Variants in PDHX observed in about 807,000 individuals in gnomAD.
PDHX encodes pyruvate dehydrogenase protein X component, mitochondrial.
PDHX carries 33 observed loss-of-function variants against 55.3 expected under a neutral mutation model. The ratio of observed to expected loss-of-function variants is 0.60; its 90% CI spans 0.45 to 0.80. The LOEUF (loss-of-function observed/expected upper bound fraction) is 0.80. PDHX is among the 30% of genes least tolerant of loss of function. The pLI is 0.00. For synonymous variants in PDHX, 226 were observed against 219.4 expected, an observed-to-expected ratio of 1.03 and a Z score of -0.27; for missense variants, 622 against 619.9, an observed-to-expected ratio of 1.00 and a Z score of -0.04.
chr11:34,974,938 A>G (rs1247639814), intron 7 of PDHX, among the ~76,000 whole-genome samples: 1 of 152,026 alleles, frequency 6.6e-6, no homozygotes, highest in Non-Finnish European at 1.5e-5. Flanking sequence ...CAAAGGTTGA[A>G]ATTTCTCCAC....
chr11:34,926,956 G>A (rs966327152), intron 1 of PDHX, among the ~76,000 whole-genome samples: 1 of 152,002 alleles, frequency 6.6e-6, no homozygotes, highest in Non-Finnish European at 1.5e-5. Flanking sequence ...AGAAATGGCA[G>A]GGAAAACAGC....
chr11:34,954,374 G>C (rs756419758), intron 3 of PDHX, among the ~76,000 whole-genome samples: 4 of 152,214 alleles, frequency 2.6e-5, no homozygotes, highest in Non-Finnish European at 4.4e-5. Flanking sequence ...TGTGTACACA[G>C]ATGAGATTAG....
chr11:34,982,946 C>T (rs920491722), intron 8 of PDHX, among the ~76,000 whole-genome samples: 3 of 152,070 alleles, frequency 2.0e-5, no homozygotes, highest in African/African-American at 7.2e-5. Context: ...ATCCTGATAC[C>T]AAAGCCGGGC....
intron 6 of PDHX, among the ~76,000 whole-genome samples, chr11:34,967,311 C>T (rs1465429106): frequency 1.3e-5 from 2 of 152,114 alleles, no homozygotes; most frequent in Non-Finnish European, 2.9e-5. Context: ...TACAGATTTC[C>T]TATCAGAAAC....
chr11:34,935,863 TC>T (rs1315367006), intron 2 of PDHX, among the ~76,000 whole-genome samples: 1 of 152,182 alleles, frequency 6.6e-6, no homozygotes, highest in Non-Finnish European at 1.5e-5. Context: ...GGCAAGGACT[TC>T]CAGGGTATCC....
chr11:34,966,811 A>G lies in PDHX; in HGVS notation c.813A>G (p.Ala271=), dbSNP rs1855145264. The G allele has an allele frequency of 1.9e-6, 3 of 1,612,180 alleles. No homozygotes were observed. In the Middle Eastern group the frequency reaches 5.0e-4, roughly 266 times the overall value. ...PPVSTPGQPN[A]VGTFTEIPAS... is the part of the protein sequence containing the mutation. ...TATCAACTCCTGGACAACCCAATGC[A>G]GTGGTAGTGTTCTCTAAGTGGATTT... is the stretch of plus-strand genomic sequence containing the variant. Residue 271 remains alanine (A), a synonymous_variant, in exon 6 of 11, where the codon GCA becomes GCG. Coordinates refer to ENST00000227868, the MANE Select transcript of PDHX (RefSeq NM_003477.3).
Position 34,957,473 on chromosome 11 carries a change from C to G in PDHX, c.432C>G (p.Pro144=). The change falls in exon 4 of 11, where the codon CCC becomes CCG. Residue 144 remains proline (P), a synonymous_variant. Transcript: ENST00000227868. ...EGEDWKHVEI[P]KDVGPPPPVS... ...AAGATTGGAAACATGTTGAAATTCCCAAAGACGTAGGTCCTCCACCACCAG... is the reference window on the plus strand; with the variant it reads ...AAGATTGGAAACATGTTGAAATTCCGAAAGACGTAGGTCCTCCACCACCAG... 1.2e-6 allele frequency: 2 copies of G among 1,613,778 alleles called. No individual in the cohort carries two copies. The highest frequency in any genetic ancestry group is 8.5e-7 in the Non-Finnish European group (1 of 1,179,746).
At chr11:34,959,977 T>C (rs1854989318) in intron 4 of PDHX, among the ~76,000 whole-genome samples, 1 of 152,226 alleles carries the variant, frequency 6.6e-6, no homozygotes, top group African/African-American at 2.4e-5. Context: ...ATGGTGGTGA[T>C]GGTTGCACAA....
intron 9 of PDHX, among the ~76,000 whole-genome samples, chr11:34,987,903 C>T (rs1855684269): frequency 6.6e-6 from 1 of 152,138 alleles, no homozygotes; most frequent in Non-Finnish European, 1.5e-5. Context: ...AATGCATTTT[C>T]TGTCCTGTGC....
intron 6 of PDHX, 119 bp from the exon 7 acceptor site, chr11:34,970,020 T>C: frequency 1.2e-6 from 1 of 832,852 alleles, no homozygotes. Flanking sequence ...GTGTTAATCT[T>C]TAATTAATAA....
At chr11:34,979,188 G>A (rs190958885) in intron 8 of PDHX, among the ~76,000 whole-genome samples, 1 of 152,318 alleles carries the variant, frequency 6.6e-6, no homozygotes, top group African/African-American at 2.4e-5. Context: ...AGTTTTCCAT[G>A]TACTAAGATT....
chr11:34,951,049 CTTTTTTTTTTTTT>C (rs1179399887), intron 3 of PDHX, among the ~76,000 whole-genome samples: 2 of 88,598 alleles, frequency 2.3e-5, no homozygotes, highest in Admixed American at 2.8e-4. Context: ...TGTTTCCTGA[CTTTTTTTTTTTTT>C]TTTTTTTTTT....
intron 1 of PDHX, among the ~76,000 whole-genome samples, chr11:34,929,189 GTTCTC>G (rs777942834): frequency 2.0e-5 from 3 of 152,140 alleles, no homozygotes; most frequent in Non-Finnish European, 4.4e-5. Context: ...GAGATAACCT[GTTCTC>G]TTATGCATTT....
chr11:34,921,548 A>T (rs1043401999), intron 1 of PDHX, among the ~76,000 whole-genome samples: 1 of 152,226 alleles, frequency 6.6e-6, no homozygotes, highest in African/African-American at 2.4e-5. Context: ...AGAATCAATG[A>T]TTGACATTTC....
In PDHX at chr11:34,932,193, C is replaced by T. The variant is rs949678224; in HGVS notation, c.241+709C>T. Among the ~76,000 whole-genome samples, 10 of 152,128 alleles carry T rather than the reference C, an allele frequency of 6.6e-5. No individual in the cohort carries two copies. The South Asian group carries it at 1.7e-3, about 25-fold the overall frequency. The stretch of plus-strand genomic sequence containing the variant: ...AATGAAACTATGCAAGTCTTGAATT[C>T]CTCTGAACCCGGAAGTGGAATAAAC... On this transcript the variant is annotated intron_variant, in intron 2 of 10. Transcript: ENST00000227868.
At chr11:34,980,754 G>A (rs570215566) in intron 8 of PDHX, among the ~76,000 whole-genome samples, 46 of 152,182 alleles carry the variant, frequency 3.0e-4, no homozygotes, top group Admixed American at 2.7e-3. Flanking sequence ...TGAGCCAAGT[G>A]GAAAATTCAT....
At chr11:34,916,103 C>T, upstream of PDHX, 1 of 1,307,862 alleles carries the variant, frequency 7.6e-7, no homozygotes. Context: ...TAGCGAACGG[C>T]CAGGCCCGAA....
intron 7 of PDHX, among the ~76,000 whole-genome samples, chr11:34,973,812 G>A (rs190095307): frequency 1.3e-5 from 2 of 152,028 alleles, no homozygotes; most frequent in Admixed American, 1.3e-4. Flanking sequence ...TTTAAAATGA[G>A]GGAAAAAATG....
chr11:34,941,673 AAG>A (rs1459139524), intron 2 of PDHX, among the ~76,000 whole-genome samples: 1 of 152,208 alleles, frequency 6.6e-6, no homozygotes, highest in African/African-American at 2.4e-5. Context: ...TATTTTGTGA[AAG>A]CCTCAGGACT....
Sources: gnomAD v4.1 joint callset for allele counts (sites outside exome capture counted in the v4.1 genomes callset) on GRCh38, gnomAD v4.1.1 for gene constraint, MANE v1.5 for transcripts, NCBI Gene and HGNC (gene_info 2026-07-23, HGNC 2026-07-21) for gene names.